ADGRL3: variants seen among roughly 807,000 people sequenced by gnomAD.
ADGRL3 encodes calcium-independent alpha-latrotoxin receptor 3.
ADGRL3 carries 62 observed loss-of-function variants against 153.5 expected under a neutral mutation model. That is an observed-to-expected ratio of 0.40 (90% CI 0.33 to 0.50). The LOEUF is 0.50. Among genes scored for constraint, ADGRL3 ranks in the 20% least tolerant of loss-of-function variants. ADGRL3 has a pLI of 0.47. For missense variants in ADGRL3, 1,641 were observed against 1,859.4 expected (o/e 0.88, Z 2.16); for synonymous variants, 710 against 672.5 (o/e 1.06, Z -0.86).
intron 1 of ADGRL3, among the ~76,000 whole-genome samples, chr4:61,358,515 T>C (rs958401818): frequency 1.4e-5 from 2 of 142,828 alleles, no homozygotes; most frequent in African/African-American, 5.2e-5. Flanking sequence ...GAGAATGGCG[T>C]GAACTCGGGA....
At chr4:61,624,994 G>T (rs1229487772) in intron 5 of ADGRL3, among the ~76,000 whole-genome samples, 2 of 151,830 alleles carry the variant, frequency 1.3e-5, no homozygotes, top group African/African-American at 2.4e-5. Context: ...TTTTTGCCTT[G>T]TATTAAAAAA....
At chr4:61,868,234 G>A (rs1314870453) in intron 9 of ADGRL3, among the ~76,000 whole-genome samples, 1 of 152,106 alleles carries the variant, frequency 6.6e-6, no homozygotes, top group Non-Finnish European at 1.5e-5. Flanking sequence ...CAGTGATTGA[G>A]ACTTTTAACA....
chr4:61,240,561 T>G (rs1257478157), intron 1 of ADGRL3, among the ~76,000 whole-genome samples: 1 of 152,120 alleles, frequency 6.6e-6, no homozygotes, highest in African/African-American at 2.4e-5. Context: ...TATCTGTAAT[T>G]TTTAACTCTT....
chr4:61,976,276 G>A (rs2099047654), intron 17 of ADGRL3, among the ~76,000 whole-genome samples: 1 of 152,094 alleles, frequency 6.6e-6, no homozygotes. Flanking sequence ...ACTATACCTA[G>A]GAGTTTAATT....
chr4:61,393,175 G>A (rs1176837602), intron 2 of ADGRL3, among the ~76,000 whole-genome samples: 1 of 151,964 alleles, frequency 6.6e-6, no homozygotes, highest in East Asian at 1.9e-4. Flanking sequence ...TGACCTTCTT[G>A]ATCTAAAAAA....
At chr4:61,744,913 C>T (rs1327882584) in intron 8 of ADGRL3, among the ~76,000 whole-genome samples, 1 of 152,156 alleles carries the variant, frequency 6.6e-6, no homozygotes, top group East Asian at 1.9e-4. Flanking sequence ...GATCAAACTA[C>T]TCCGAGCTAC....
intron 3 of ADGRL3, among the ~76,000 whole-genome samples, chr4:61,515,212 A>G (rs1407519930): frequency 6.6e-6 from 1 of 152,092 alleles, no homozygotes; most frequent in Non-Finnish European, 1.5e-5. Context: ...TTTCTCAAAC[A>G]CACCAAGGGA....
At chr4:61,496,570 A>G (rs1335953797) in intron 2 of ADGRL3, among the ~76,000 whole-genome samples, 1 of 152,102 alleles carries the variant, frequency 6.6e-6, no homozygotes, top group Non-Finnish European at 1.5e-5. Context: ...TGAACCCGGG[A>G]GGCAGAGGTT....
At chr4:61,270,911 A>T (rs1275866027) in intron 1 of ADGRL3, among the ~76,000 whole-genome samples, 2 of 151,782 alleles carry the variant, frequency 1.3e-5, no homozygotes, top group African/African-American at 4.8e-5. Context: ...GCACTTTTGT[A>T]CTTTGGAAAA....
intron 15 of ADGRL3, among the ~76,000 whole-genome samples, chr4:61,936,328 A>T (rs1372770969): frequency 6.6e-6 from 1 of 152,158 alleles, no homozygotes; most frequent in Admixed American, 6.6e-5. Flanking sequence ...AATACAGAGG[A>T]TCTGACATCT....
intron 1 of ADGRL3, among the ~76,000 whole-genome samples, chr4:61,359,571 C>T (rs2096250958): frequency 6.6e-6 from 1 of 152,156 alleles, no homozygotes; most frequent in Non-Finnish European, 1.5e-5. Flanking sequence ...CTCTCCTTGT[C>T]GTTTTCCACA....
At chr4:62,037,380 G>A (rs1221030567) in intron 23 of ADGRL3, among the ~76,000 whole-genome samples, 2 of 151,970 alleles carry the variant, frequency 1.3e-5, no homozygotes, top group East Asian at 3.9e-4. Context: ...GCACCAACAG[G>A]CTACTTTATA....
chr4:61,885,610 A>G (rs2098534122), intron 9 of ADGRL3, among the ~76,000 whole-genome samples: 1 of 152,212 alleles, frequency 6.6e-6, no homozygotes, highest in Non-Finnish European at 1.5e-5. Flanking sequence ...TAACGCCTAT[A>G]AAAGCATATG....
At chr4:61,555,296 A>G (rs2098760085) in intron 4 of ADGRL3, among the ~76,000 whole-genome samples, 1 of 152,202 alleles carries the variant, frequency 6.6e-6, no homozygotes, top group East Asian at 1.9e-4. Flanking sequence ...TCATTAAGAT[A>G]AATTTCTTCC....
chr4:61,945,982 A>G (rs1407699998), intron 15 of ADGRL3, among the ~76,000 whole-genome samples: 3 of 152,128 alleles, frequency 2.0e-5, no homozygotes, highest in Non-Finnish European at 4.4e-5. Flanking sequence ...CTATTATATA[A>G]TGTGCCATAA....
At chr4:61,223,142 A>T (rs1221009960) in intron 1 of ADGRL3, among the ~76,000 whole-genome samples, 1 of 152,154 alleles carries the variant, frequency 6.6e-6, no homozygotes, top group Admixed American at 6.6e-5. Flanking sequence ...CTCTCATCTC[A>T]GTTTTATTGA....
At chr4:61,445,158 AAG>A (rs1464125739) in intron 2 of ADGRL3, among the ~76,000 whole-genome samples, 1 of 152,182 alleles carries the variant, frequency 6.6e-6, no homozygotes, top group African/African-American at 2.4e-5. Flanking sequence ...TATGTAATCT[AAG>A]AGAAATCATA....
chr4:61,974,264 TG>T (rs2099040266), intron 17 of ADGRL3, among the ~76,000 whole-genome samples: 3 of 152,204 alleles, frequency 2.0e-5, no homozygotes, highest in Admixed American at 2.0e-4. Context: ...CCACCATTCC[TG>T]GCCACTATAG....
intron 1 of ADGRL3, among the ~76,000 whole-genome samples, chr4:61,280,913 G>A (rs1049830447): frequency 1.6e-4 from 24 of 151,992 alleles, no homozygotes; most frequent in African/African-American, 5.3e-4. Context: ...TATGGAACAA[G>A]AAAGATGAAT....
Sources: allele counts gnomAD v4.1 joint callset (sites outside exome capture counted in the v4.1 genomes callset), GRCh38; gene constraint gnomAD v4.1.1; transcripts MANE v1.5; gene names NCBI Gene and HGNC (gene_info 2026-07-23, HGNC 2026-07-21).